ZNF532: variants seen among roughly 807,000 people sequenced by gnomAD.
ZNF532 encodes the protein zinc finger protein 532.
In ZNF532, 22 loss-of-function variants were observed where a neutral mutation model predicts 89.3. The observed-to-expected ratio is 0.25, with a 90% CI of 0.18 to 0.35. The LOEUF is 0.35. ZNF532 is among the 10% of genes least tolerant of loss of function. The pLI is 1.00. For missense variants in ZNF532, 1,132 were observed against 1,643.4 expected (o/e 0.69, Z 5.38); for synonymous variants, 606 against 649.6 (o/e 0.93, Z 1.02).
At chr18:58,920,956 C>T (rs941404053) in intron 3 of ZNF532, among the ~76,000 whole-genome samples, 6 of 151,614 alleles carry the variant, frequency 4.0e-5, no homozygotes, top group Admixed American at 3.3e-4. Context: ...GCAGCAGTGG[C>T]GTGTGCCTGT....
intron 7 of ZNF532, among the ~76,000 whole-genome samples, chr18:58,954,577 T>C (rs1157518725): frequency 2.6e-5 from 4 of 152,290 alleles, no homozygotes; most frequent in Non-Finnish European, 4.4e-5. Flanking sequence ...TATTTTTTAA[T>C]GTATGGTTGA....
chr18:58,868,249 A>G (rs141069401), intron 2 of ZNF532, among the ~76,000 whole-genome samples: 2 of 152,224 alleles, frequency 1.3e-5, no homozygotes, highest in Non-Finnish European at 2.9e-5. Flanking sequence ...CTTGATAAAC[A>G]TTATGGAAAC....
At chr18:58,926,141 G>C (rs1435202294) in intron 3 of ZNF532, 1 of 152,074 alleles carries the variant, frequency 6.6e-6, no homozygotes. Flanking sequence ...ATTTTGATAG[G>C]AATTGCATTA....
chr18:58,915,733 TC>T (rs1160969214), intron 2 of ZNF532, among the ~76,000 whole-genome samples: 1 of 152,216 alleles, frequency 6.6e-6, no homozygotes, highest in African/African-American at 2.4e-5. Context: ...TGTCAGACAG[TC>T]GCACTGCCGA....
intron 3 of ZNF532, chr18:58,931,565 T>C (rs929199181): frequency 5.3e-5 from 8 of 152,170 alleles, no homozygotes; most frequent in Non-Finnish European, 2.9e-5. Flanking sequence ...AATGATGTCA[T>C]GTGAGTTTAA....
Position 58,984,704 on chromosome 18 carries a change from T to C in ZNF532, c.*238T>C. 1 of 374,708 alleles carries C rather than the reference T, an allele frequency of 2.7e-6. No homozygotes were observed. Among genetic ancestry groups the C allele is most frequent in the Non-Finnish European group, 4.7e-6 (1 of 212,810 alleles). The allele number at this position is 374,708 out of a possible 1,614,324, so 23.2% of individuals were successfully genotyped here. On this transcript the variant is annotated 3_prime_UTR_variant, in exon 10 of 10. Coordinates refer to ENST00000591808, the MANE Select transcript of ZNF532 (RefSeq NM_001375912.1). ...ATAACTTTTTATACTCTTTGTTACA[T>C]GTTTGTATCAGTATTTAGTGGAAAA...
rs1016851364 is a variant in ZNF532, at chr18:58,985,933, G to C, written c.*1467G>C. ...AAACACATTTCATATGTAAATAAACGTGGGACATTTGGCCCTTGTGCTTCT... is the reference window on the plus strand; with the variant it reads ...AAACACATTTCATATGTAAATAAACCTGGGACATTTGGCCCTTGTGCTTCT... On this transcript the variant is annotated 3_prime_UTR_variant, in exon 10 of 10. Coordinates refer to ENST00000591808, the MANE Select transcript of ZNF532 (RefSeq NM_001375912.1). 2 of 152,532 alleles carry C rather than the reference G, an allele frequency of 1.3e-5. No individual in the cohort carries two copies. Among genetic ancestry groups the C allele is most frequent in the East Asian group, 3.8e-4 (2 of 5,196 alleles). 9.4% of individuals were successfully genotyped at this position (152,532 alleles called of 1,614,324 possible).
intron 2 of ZNF532, among the ~76,000 whole-genome samples, chr18:58,886,949 C>T (rs1175588043): frequency 1.3e-5 from 2 of 152,156 alleles, no homozygotes; most frequent in South Asian, 4.1e-4. Context: ...TGGAGATGTT[C>T]TTTCATTAGC....
rs144097921 is a variant in ZNF532 at position 58,938,167 on chromosome 18, C to A, written c.2529-1278C>A. On this transcript the variant is annotated intron_variant, in intron 4 of 9. Transcript: ENST00000591808. The stretch of plus-strand genomic sequence containing the variant: ...TCATAGAAGTCTTTGGACACTGCCC[C>A]CCGGAAACCAGGCCCTGTCTGCAGT... Among the ~76,000 whole-genome samples the A allele has an allele frequency of 6.3e-3, 967 of 152,294 alleles. 7 individuals carry two copies. The highest frequency in any genetic ancestry group is 0.02 in the Middle Eastern group (6 of 294).
chr18:58,893,545 C>T (rs2059046713), intron 2 of ZNF532, among the ~76,000 whole-genome samples: 1 of 150,966 alleles, frequency 6.6e-6, no homozygotes, highest in Non-Finnish European at 1.5e-5. Context: ...AATCCCAGCT[C>T]TTGGGAAGGC....
chr18:58,944,886 T>C (rs1341990977), intron 5 of ZNF532, among the ~76,000 whole-genome samples: 1 of 152,194 alleles, frequency 6.6e-6, no homozygotes, highest in African/African-American at 2.4e-5. Context: ...TCTCCCTCCC[T>C]GCTTTGTATT....
chr18:58,888,713 A>ATATATAAAATTATATATATATAATT (rs1555708868), intron 2 of ZNF532, among the ~76,000 whole-genome samples: 1 of 17,702 alleles, frequency 5.6e-5, no homozygotes, highest in African/African-American at 2.2e-4. Flanking sequence ...ATATATATAT[A>ATATATAAAATTATATATATATAATT]TATATATATA....
chr18:58,918,419 T>C lies in ZNF532; in HGVS notation c.132T>C (p.Asn44=), dbSNP rs773399153. ...HDDHESHMKQ[N]AHGEDDSHAP... ...ACCATGAAAGCCACATGAAGCAGAA[T>C]GCTCACGGAGAGGATGACTCCCACG... Residue 44 remains asparagine (N), a synonymous_variant, in exon 3 of 10, where the codon AAT becomes AAC. Coordinates refer to ENST00000591808, the MANE Select transcript of ZNF532 (RefSeq NM_001375912.1). 1.2e-6 allele frequency: 2 copies of C among 1,614,194 alleles called. No homozygotes were observed. The highest frequency in any genetic ancestry group is 4.5e-5 in the East Asian group (2 of 44,882).
chr18:58,973,947 T>C (rs1160609027), intron 7 of ZNF532, among the ~76,000 whole-genome samples: 2 of 152,058 alleles, frequency 1.3e-5, no homozygotes, highest in Non-Finnish European at 2.9e-5. Context: ...AAACCAGAGA[T>C]AGAAAGCAAA....
Position 58,864,998 on chromosome 18 carries a change from A to G in ZNF532, c.-515A>G, listed in dbSNP as rs2056322587. 6.6e-6 allele frequency: 1 copy of G among 152,274 alleles called. No individual in the cohort carries two copies. Among genetic ancestry groups the G allele is most frequent in the African/African-American group, 2.4e-5 (1 of 41,448 alleles). The allele number at this position is 152,274 out of a possible 1,614,324, so 9.4% of individuals were successfully genotyped here. A position where few individuals can be genotyped will look rare whatever the true frequency, so the allele number is the denominator to read the frequency against. Reference sequence around the variant, plus strand: ...ACCACACAGCACTGGTACGTGACTAATGGAGCCCTAAAAGATTCTGGGTAG... The same window carrying G: ...ACCACACAGCACTGGTACGTGACTAGTGGAGCCCTAAAAGATTCTGGGTAG... On this transcript the variant is annotated 5_prime_UTR_variant, in exon 1 of 10. An upstream start codon of the reference 5' UTR is lost. Coordinates refer to ENST00000591808, the MANE Select transcript of ZNF532 (RefSeq NM_001375912.1).
At chr18:58,887,756 T>G (rs1398832282) in intron 2 of ZNF532, among the ~76,000 whole-genome samples, 1 of 152,170 alleles carries the variant, frequency 6.6e-6, no homozygotes, top group African/African-American at 2.4e-5. Flanking sequence ...TAGTGTCCTC[T>G]TCCCAATCCT....
chr18:58,925,803 G>C (rs556191791), intron 3 of ZNF532, among the ~76,000 whole-genome samples: 4 of 152,268 alleles, frequency 2.6e-5, no homozygotes. Context: ...GATTTAGGTG[G>C]AGGGTCATTT....
intron 2 of ZNF532, among the ~76,000 whole-genome samples, chr18:58,868,082 C>T (rs937064954): frequency 2.6e-5 from 4 of 152,294 alleles, no homozygotes; most frequent in African/African-American, 9.6e-5. Context: ...GCAATACAGT[C>T]GCTCTCCAGT....
At position 58,985,975 on chromosome 18, in the gene ZNF532, T is replaced by C. The variant is rs1718912136; in HGVS notation, c.*1509T>C. Reference sequence around the variant, plus strand: ...TGTGCTTCTGTGAGAGAATTATTGATGGTGGGTCTCTGACATCTTTGTGAA... The same window carrying C: ...TGTGCTTCTGTGAGAGAATTATTGACGGTGGGTCTCTGACATCTTTGTGAA... On this transcript the variant is annotated 3_prime_UTR_variant, in exon 10 of 10. Transcript: ENST00000591808. 6.6e-6 allele frequency: 1 copy of C among 152,582 alleles called. No individual in the cohort carries two copies. The highest frequency in any genetic ancestry group is 1.5e-5 in the Non-Finnish European group (1 of 68,032). 9.5% of individuals were successfully genotyped at this position (152,582 alleles called of 1,614,324 possible).
Sources: gnomAD v4.1 joint callset for allele counts (sites outside exome capture counted in the v4.1 genomes callset) on GRCh38, gnomAD v4.1.1 for gene constraint, MANE v1.5 for transcripts, NCBI Gene and HGNC (gene_info 2026-07-23, HGNC 2026-07-21) for gene names.